The following KYNU variants were observed in gnomAD, a reference collection of about 807,000 sequenced individuals.
KYNU encodes the protein L-kynurenine hydrolase.
A neutral mutation model predicts 59.2 loss-of-function variants in KYNU; 54 were observed. The ratio of observed to expected loss-of-function variants is 0.91; its 90% CI spans 0.73 to 1.14. The LOEUF (loss-of-function observed/expected upper bound fraction) is 1.14, where lower values mean the gene tolerates loss of function less well. Ranked by LOEUF, KYNU falls within the 50% of genes most tolerant of loss-of-function variation. KYNU has a pLI of 0.00. For synonymous variants in KYNU, 177 were observed against 192.0 expected, an observed-to-expected ratio of 0.92 and a Z score of 0.65; for missense variants, 567 against 554.4, an observed-to-expected ratio of 1.02 and a Z score of -0.23.
rs922123466 is a variant in KYNU at position 142,931,984 on chromosome 2, G to A, written c.373+4243G>A. On this transcript the variant is annotated intron_variant, in intron 4 of 13. Transcript: ENST00000264170. ...ATTTTTACTTACCTGGAGAAAGTAT[G>A]GACAAAGACTAGAAGATAGCAGAGC... Among the ~76,000 whole-genome samples the A allele has an allele frequency of 6.6e-5, 10 of 152,278 alleles. No homozygotes were observed. In the South Asian group the frequency reaches 2.1e-3, roughly 32 times the overall value.
At chr2:142,918,535 T>C in intron 2 of KYNU, 74 bp from the exon 3 acceptor site, 2 of 1,402,760 alleles carry the variant, frequency 1.4e-6, no homozygotes, top group South Asian at 1.4e-5. Context: ...ATTAATTATT[T>C]GTACTGGCTT....
In KYNU at chr2:143,038,227, A is replaced by G. The variant is rs568494054; in HGVS notation, c.1042-2201A>G. 5.5e-4 allele frequency among the ~76,000 whole-genome samples: 83 copies of G among 152,262 alleles called. 2 individuals are homozygous for G. Among genetic ancestry groups the G allele is most frequent in the African/African-American group, 1.9e-3 (80 of 41,564 alleles). ...ATAGCATAACCACAAAATTTCCTAG[A>G]ATTATTTATTATTTAGAATTTCTTA... On this transcript the variant is annotated intron_variant, in intron 12 of 13. Coordinates refer to ENST00000264170, the MANE Select transcript of KYNU (RefSeq NM_003937.3).
At chr2:142,951,491 A>T (rs1372277131) in intron 4 of KYNU, among the ~76,000 whole-genome samples, 1 of 152,170 alleles carries the variant, frequency 6.6e-6, no homozygotes, top group Non-Finnish European at 1.5e-5. Context: ...ATGCCTCTGT[A>T]CTCCAACCTG....
At chr2:142,890,631 CCATGCCCAG>C (rs1409516818) in intron 2 of KYNU, among the ~76,000 whole-genome samples, 1 of 152,136 alleles carries the variant, frequency 6.6e-6, no homozygotes, top group Non-Finnish European at 1.5e-5. Flanking sequence ...GTGCGTGCCA[CCATGCCCAG>C]CTAATTTTTG....
At position 143,040,491 on chromosome 2, in the gene KYNU, G is replaced by T; in HGVS notation, c.1105G>T (p.Glu369Ter). ...KKSVLLTGYL[E>*]YLIKHNYGKD... The stretch of plus-strand genomic sequence containing the variant: ...ATCTGTTTTGCTAACTGGCTATCTG[G>T]AATACCTGATCAAGCATAACTATGG... Residue 369 changes from glutamate to a stop codon, truncating the protein, a stop_gained, in exon 13 of 14, where the codon GAA becomes TAA. Coordinates refer to ENST00000264170, the MANE Select transcript of KYNU (RefSeq NM_003937.3). LOFTEE classifies it high-confidence loss of function. The T allele has an allele frequency of 1.2e-6, 2 of 1,613,284 alleles. No individual in the cohort carries two copies. Among genetic ancestry groups the T allele is most frequent in the East Asian group, 2.2e-5 (1 of 44,868 alleles).
At chr2:142,899,207 G>A (rs1479524185) in intron 2 of KYNU, among the ~76,000 whole-genome samples, 2 of 152,128 alleles carry the variant, frequency 1.3e-5, no homozygotes, top group South Asian at 2.1e-4. Flanking sequence ...GCTCCCATAC[G>A]ATGGGAGGGG....
At position 143,051,867 on chromosome 2, in the gene KYNU, A is replaced by G. The variant is rs1390089868; in HGVS notation, c.*9695A>G. ...GGGGCACTGCTGAAAAGGTACCCGA[A>G]TATGTGGAAGCAACTTTAAACTGGG... On this transcript the variant is annotated 3_prime_UTR_variant, in exon 14 of 14. Coordinates refer to ENST00000264170, the MANE Select transcript of KYNU (RefSeq NM_003937.3). 2 of 152,326 alleles carry G rather than the reference A, an allele frequency of 1.3e-5. No homozygotes were observed. Among genetic ancestry groups the G allele is most frequent in the Non-Finnish European group, 2.9e-5 (2 of 68,114 alleles). 9.4% of individuals were successfully genotyped at this position (152,326 alleles called of 1,614,324 possible).
chr2:142,954,949 C>A, intron 5 of KYNU, 78 bp downstream of exon 5: 2 of 899,818 alleles, frequency 2.2e-6, no homozygotes, highest in Non-Finnish European at 3.7e-6. Context: ...AATTCATGAG[C>A]TTCTGGGGGT....
chr2:142,943,854 C>G, intron 4 of KYNU, among the ~76,000 whole-genome samples: 1 of 152,108 alleles, frequency 6.6e-6, no homozygotes, highest in South Asian at 2.1e-4. Context: ...TGGACTTAGC[C>G]TAATTACAAA....
At chr2:142,953,096 G>T (rs1228278946) in intron 4 of KYNU, among the ~76,000 whole-genome samples, 3 of 152,194 alleles carry the variant, frequency 2.0e-5, no homozygotes, top group African/African-American at 4.8e-5. Flanking sequence ...ACCGGAGGAA[G>T]CTGAAAGGCC....
intron 10 of KYNU, among the ~76,000 whole-genome samples, chr2:143,017,434 C>CTTTTTTCTTTTTT (rs1558977527): frequency 1.0e-4 from 7 of 68,448 alleles, no homozygotes; most frequent in Non-Finnish European, 1.3e-4. Context: ...TCTCTTTTTT[C>CTTTTTTCTTTTTT]TTTTTTTTTT....
intron 7 of KYNU, chr2:142,957,972 A>G (rs1461633090): frequency 2.6e-6 from 1 of 384,984 alleles, no homozygotes; most frequent in South Asian, 3.1e-5. Flanking sequence ...GGATTCTGCC[A>G]TATTCTTCAA....
In KYNU at chr2:142,956,157, A is replaced by G. The variant is rs1684156458; in HGVS notation, c.436-46A>G. 2.9e-6 allele frequency: 3 copies of G among 1,037,922 alleles called. No individual in the cohort carries two copies. In the Admixed American group the frequency reaches 5.2e-5, roughly 18 times the overall value. 64.3% of individuals were successfully genotyped at this position (1,037,922 alleles called of 1,614,324 possible). ...AGTGTGACATAAAATGAACAAATGT[A>G]TAAATTGTGTATTAATGCTTTCTCA... On this transcript the variant is annotated intron_variant, in intron 5 of 13. Transcript: ENST00000264170.
intron 3 of KYNU, among the ~76,000 whole-genome samples, chr2:142,920,629 C>A (rs3768851): frequency 0.37 from 55,683 of 152,078 alleles, 10,512 homozygotes; most frequent in South Asian, 0.56. Context: ...AAAATTTCAT[C>A]ATTTTAATTA....
rs2104932977 is a variant in KYNU, at chr2:143,047,978, G to T, written c.*5806G>T. The T allele has an allele frequency of 6.9e-6, 1 of 145,526 alleles. No homozygotes were observed. The highest frequency in any genetic ancestry group is 1.5e-5 in the Non-Finnish European group (1 of 66,758). 9.0% of individuals were successfully genotyped at this position (145,526 alleles called of 1,614,324 possible). Reference sequence around the variant, plus strand: ...TCATGCCTCAGCCTCCCAAGTAGCTGGGATTACAGGCATGGGCCACTATGC... The same window carrying T: ...TCATGCCTCAGCCTCCCAAGTAGCTTGGATTACAGGCATGGGCCACTATGC... On this transcript the variant is annotated 3_prime_UTR_variant, in exon 14 of 14. Transcript: ENST00000264170.
chr2:142,929,359 CAAAAAAAA>C (rs5834929), intron 4 of KYNU, among the ~76,000 whole-genome samples: 1 of 106,448 alleles, frequency 9.4e-6, no homozygotes, highest in East Asian at 2.7e-4. Flanking sequence ...TTGCCTTTCT[CAAAAAAAA>C]AAAAAAAAAA....
intron 4 of KYNU, among the ~76,000 whole-genome samples, chr2:142,945,743 T>TA (rs2105061361): frequency 8.9e-6 from 1 of 112,568 alleles, no homozygotes; most frequent in East Asian, 2.6e-4. Flanking sequence ...TAATTGTATT[T>TA]AATTTTTTTT....
At chr2:142,977,372 G>GAGTTTTATATATATATATAT (rs1553484697) in intron 8 of KYNU, among the ~76,000 whole-genome samples, 5 of 131,152 alleles carry the variant, frequency 3.8e-5, no homozygotes, top group African/African-American at 1.4e-4. Context: ...ATTTTGTGTG[G>GAGTTTTATATATATATATAT]ATATATATAT....
intron 4 of KYNU, among the ~76,000 whole-genome samples, chr2:142,949,868 T>C (rs1410373977): frequency 6.6e-6 from 1 of 152,178 alleles, no homozygotes; most frequent in Admixed American, 6.5e-5. Context: ...AGGCTGCAAA[T>C]TTTCCACACT....
Sources: allele counts gnomAD v4.1 joint callset (sites outside exome capture counted in the v4.1 genomes callset), GRCh38; gene constraint gnomAD v4.1.1; transcripts MANE v1.5; gene names NCBI Gene and HGNC (gene_info 2026-07-23, HGNC 2026-07-21).